ZNF429: variants seen among roughly 807,000 people sequenced by gnomAD.
The protein encoded by ZNF429 is zinc finger protein 429.
A neutral mutation model predicts 56.8 loss-of-function variants in ZNF429; 53 were observed. That is an observed-to-expected ratio of 0.93 (90% CI 0.75 to 1.17). The LOEUF (loss-of-function observed/expected upper bound fraction) is 1.17. Ranked by LOEUF, ZNF429 falls within the 50% of genes most tolerant of loss-of-function variation. The pLI is 0.00. For missense variants in ZNF429, 849 were observed against 788.4 expected (o/e 1.08, Z -0.92); for synonymous variants, 278 against 264.7 (o/e 1.05, Z -0.49).
At position 21,505,645 on chromosome 19, in the gene ZNF429, C is replaced by T. The variant is rs768631408; in HGVS notation, c.-127C>T. ...CGGGGCGTTTGGCTCTTGCTGCAGC[C>T]AGAGCTCCAGGTCTCGTCTTCATTT... On this transcript the variant is annotated 5_prime_UTR_variant, in exon 1 of 4. Transcript: ENST00000358491. The T allele has an allele frequency of 2.0e-4, 201 of 996,444 alleles. 1 individual carries two copies. Among genetic ancestry groups the T allele is most frequent in the Middle Eastern group, 9.3e-4 (4 of 4,286 alleles). The allele number at this position is 996,444 out of a possible 1,614,324, so 61.7% of individuals were successfully genotyped here. A position where few individuals can be genotyped will look rare whatever the true frequency, so the allele number is the denominator to read the frequency against.
rs776170458 is a variant in ZNF429 at position 21,536,279 on chromosome 19, G to T, written c.227-1G>T. 3 of 1,556,854 alleles carry T rather than the reference G, an allele frequency of 1.9e-6. No individual in the cohort carries two copies. The highest frequency in any genetic ancestry group is 2.4e-5 in the South Asian group (2 of 81,868). ...AATTTGTTGTTTTAATTTTATTTTAGTTGTGTGTTCTCATTTTGCTGAAGA... is the reference window on the plus strand; with the variant it reads ...AATTTGTTGTTTTAATTTTATTTTATTTGTGTGTTCTCATTTTGCTGAAGA... On this transcript the variant is annotated splice_acceptor_variant, in intron 3 of 3. Coordinates refer to ENST00000358491, the MANE Select transcript of ZNF429 (RefSeq NM_001001415.4). LOFTEE classifies it high-confidence loss of function.
chr19:21,537,514 C>T lies in ZNF429; in HGVS notation c.1461C>T (p.Gly487=), dbSNP rs753417701. The change falls in exon 4 of 4, where the codon GGC becomes GGT. Residue 487 remains glycine (G), a synonymous_variant. Transcript: ENST00000358491. ...GEKPYKCEEC[G]KAFKQSSNLN... Reference sequence around the variant, plus strand: ...AACCCTACAAATGTGAAGAATGTGGCAAAGCCTTTAAGCAGTCCTCAAACC... The same window carrying T: ...AACCCTACAAATGTGAAGAATGTGGTAAAGCCTTTAAGCAGTCCTCAAACC... 14 of 1,613,640 alleles carry T rather than the reference C, an allele frequency of 8.7e-6. No individual in the cohort carries two copies. In the African/African-American group the frequency reaches 1.3e-4, roughly 15 times the overall value.
At chr19:21,535,802 C>T in intron 3 of ZNF429, among the ~76,000 whole-genome samples, 23 of 152,036 alleles carry the variant, frequency 1.5e-4, no homozygotes, top group Admixed American at 3.3e-4. Context: ...CATGAGCCAC[C>T]GCGCCTGACC....
chr19:21,515,980 C>T (rs2032718497), intron 1 of ZNF429, among the ~76,000 whole-genome samples: 1 of 152,152 alleles, frequency 6.6e-6, no homozygotes, highest in Non-Finnish European at 1.5e-5. Flanking sequence ...GCTTTGGTTT[C>T]TATCACCCTG....
At chr19:21,512,304 T>C (rs1431947723) in intron 1 of ZNF429, among the ~76,000 whole-genome samples, 2 of 152,078 alleles carry the variant, frequency 1.3e-5, no homozygotes, top group Non-Finnish European at 2.9e-5. Flanking sequence ...CTGGCTCCTT[T>C]ACTGCCGTCT....
rs2033825003 is a variant in ZNF429 at position 21,538,907 on chromosome 19, A to G, written c.*829A>G. Among the ~76,000 whole-genome samples the G allele has an allele frequency of 6.6e-6, 1 of 151,974 alleles. No homozygotes were observed. The highest frequency in any genetic ancestry group is 1.5e-5 in the Non-Finnish European group (1 of 67,986). ...GTCTGAGGAAAAACATTACAAATGT[A>G]AAGAGGGTTATAGTGCATTTACTTG... On this transcript the variant is annotated 3_prime_UTR_variant, in exon 4 of 4. Coordinates refer to ENST00000358491, the MANE Select transcript of ZNF429 (RefSeq NM_001001415.4).
At chr19:21,506,461 A>AGGG (rs112803668) in intron 1 of ZNF429, among the ~76,000 whole-genome samples, 23,100 of 147,174 alleles carry the variant, frequency 0.16, 1,985 homozygotes, top group Non-Finnish European at 0.19. Flanking sequence ...AAAAAAAAAA[A>AGGG]GGGGAGTCAC....
chr19:21,536,045 T>C, intron 3 of ZNF429, among the ~76,000 whole-genome samples: 1 of 152,230 alleles, frequency 6.6e-6, no homozygotes, highest in African/African-American at 2.4e-5. Context: ...TGTGACTCTT[T>C]GCATTGTACT....
intron 1 of ZNF429, among the ~76,000 whole-genome samples, chr19:21,510,554 A>T (rs2032402997): frequency 6.6e-6 from 1 of 152,132 alleles, no homozygotes; most frequent in Admixed American, 6.5e-5. Flanking sequence ...CTGCTGGTTG[A>T]CCACTTTATG....
rs759554382 is a variant in ZNF429, at chr19:21,537,995, G to C, written c.1942G>C (p.Val648Leu). 58 of 1,613,772 alleles carry C rather than the reference G, an allele frequency of 3.6e-5. No individual in the cohort carries two copies. Among genetic ancestry groups the C allele is most frequent in the Non-Finnish European group, 4.7e-5 (55 of 1,179,978 alleles). Reference protein sequence around the residue: ...QHKKIHRMGVVAHACNPSTLG... With the variant: ...QHKKIHRMGVLAHACNPSTLG... ...TAAGAAAATTCATAGGATGGGTGTG[G>C]TGGCTCATGCCTGTAATCCCAGCAC... is the stretch of plus-strand genomic sequence containing the variant. The change falls in exon 4 of 4, where the codon GTG becomes CTG. Residue 648 changes from valine (V) to leucine (L), a missense_variant. Transcript: ENST00000358491.
chr19:21,536,815 G>A lies in ZNF429; in HGVS notation c.762G>A (p.Glu254=). Residue 254 remains glutamate (E), a synonymous_variant, in exon 4 of 4, where the codon GAG becomes GAA. Transcript: ENST00000358491. The part of the protein sequence containing the change: ...LTNHKRIHTG[E]KPYKCKECGK... ...ACCATAAGAGAATTCATACTGGAGAGAAACCCTACAAATGTAAAGAATGTG... is the reference window on the plus strand; with the variant it reads ...ACCATAAGAGAATTCATACTGGAGAAAAACCCTACAAATGTAAAGAATGTG... 1 of 1,613,946 alleles carries A rather than the reference G, an allele frequency of 6.2e-7. No individual in the cohort carries two copies. Among genetic ancestry groups the A allele is most frequent in the Non-Finnish European group, 8.5e-7 (1 of 1,179,964 alleles).
In ZNF429 at chr19:21,539,903, TC is replaced by T. The variant is rs575599503; in HGVS notation, c.*1826del. Among the ~76,000 whole-genome samples, 292 of 152,272 alleles carry T rather than the reference TC, an allele frequency of 1.9e-3. 2 individuals carry two copies. Among genetic ancestry groups the T allele is most frequent in the African/African-American group, 6.8e-3 (284 of 41,566 alleles). On this transcript the variant is annotated 3_prime_UTR_variant, in exon 4 of 4. Transcript: ENST00000358491. ...GACTCATTAGGTGGAAATTATGGCC[TC>T]TTCTGTAAAAAAGTAAGGACATTAA...
At chr19:21,531,947 A>G in intron 3 of ZNF429, among the ~76,000 whole-genome samples, 1 of 151,422 alleles carries the variant, frequency 6.6e-6, no homozygotes, top group South Asian at 2.1e-4. Flanking sequence ...GTATATTAGC[A>G]ACATACAAAA....
chr19:21,512,634 G>A (rs955045642), intron 1 of ZNF429, among the ~76,000 whole-genome samples: 3 of 124,752 alleles, frequency 2.4e-5, no homozygotes, highest in African/African-American at 3.1e-5. Flanking sequence ...ACTGCATTCT[G>A]CCTGGGCGAC....
chr19:21,535,315 CTT>C, intron 3 of ZNF429, among the ~76,000 whole-genome samples: 6 of 134,002 alleles, frequency 4.5e-5, no homozygotes, highest in African/African-American at 1.6e-4. Context: ...TTCTTTCTTT[CTT>C]TCTTTCTTTC....
At chr19:21,508,197 C>T (rs566402744) in intron 1 of ZNF429, among the ~76,000 whole-genome samples, 6 of 151,088 alleles carry the variant, frequency 4.0e-5, no homozygotes, top group South Asian at 4.2e-4. Flanking sequence ...GAGCCGAGAT[C>T]GTGCCATTGC....
chr19:21,525,803 A>C (rs188653907), intron 1 of ZNF429, among the ~76,000 whole-genome samples: 7 of 116,974 alleles, frequency 6.0e-5, no homozygotes, highest in Non-Finnish European at 5.6e-5. Flanking sequence ...TATTCCTCTC[A>C]TCTGTCTATA....
intron 1 of ZNF429, among the ~76,000 whole-genome samples, chr19:21,523,159 C>T (rs543233960): frequency 2.0e-5 from 3 of 152,280 alleles, no homozygotes; most frequent in South Asian, 2.1e-4. Context: ...CCACTTTCCC[C>T]TTCCTCCTCT....
chr19:21,536,016 A>G, intron 3 of ZNF429, among the ~76,000 whole-genome samples: 13 of 152,212 alleles, frequency 8.5e-5, no homozygotes, highest in African/African-American at 2.7e-4. Flanking sequence ...TAACTGTAAC[A>G]GAAATGTTTT....
Sources: gnomAD v4.1 joint callset for allele counts (sites outside exome capture counted in the v4.1 genomes callset) on GRCh38, gnomAD v4.1.1 for gene constraint, MANE v1.5 for transcripts, NCBI Gene and HGNC (gene_info 2026-07-23, HGNC 2026-07-21) for gene names.